The following PPP1R21 variants were observed in gnomAD, a reference collection of about 807,000 sequenced individuals.
The protein encoded by PPP1R21 is protein phosphatase 1 regulatory subunit 21.
PPP1R21 carries 85 observed loss-of-function variants against 112.8 expected under a neutral mutation model. That is an observed-to-expected ratio of 0.75 (90% CI 0.63 to 0.90). The LOEUF (loss-of-function observed/expected upper bound fraction) is 0.90. PPP1R21 is among the 40% of genes least tolerant of loss of function. The pLI is 0.00. For missense variants in PPP1R21, 1,199 were observed against 901.5 expected (o/e 1.33, Z -4.23); for synonymous variants, 381 against 322.3 (o/e 1.18, Z -1.95).
chr2:48,467,515 GA>G (rs1241818671), intron 9 of PPP1R21, among the ~76,000 whole-genome samples: 1 of 152,214 alleles, frequency 6.6e-6, no homozygotes, highest in South Asian at 2.1e-4. Flanking sequence ...GATGTCACTG[GA>G]GCTGGGGGAT....
At chr2:48,466,732 A>T (rs1032986324) in intron 9 of PPP1R21, among the ~76,000 whole-genome samples, 9 of 152,310 alleles carry the variant, frequency 5.9e-5, no homozygotes, top group African/African-American at 2.2e-4. Flanking sequence ...AGAGAATGAC[A>T]TGAACAAAAT....
In PPP1R21 at chr2:48,454,705, A is replaced by T. The variant is rs763234287; in HGVS notation, c.237A>T (p.Glu79Asp). ...LAKRVELLQD[E>D]LALSEPRGKK... Reference sequence around the variant, plus strand: ...AGAGGGTAGAACTACTTCAAGATGAACTAGCTCTAAGTGAACCACGAGGCA... The same window carrying T: ...AGAGGGTAGAACTACTTCAAGATGATCTAGCTCTAAGTGAACCACGAGGCA... The change falls in exon 3 of 22, where the codon GAA becomes GAT. Residue 79 changes from glutamate (E) to aspartate (D), a missense_variant. Coordinates refer to ENST00000294952, the MANE Select transcript of PPP1R21 (RefSeq NM_001135629.3). 4 of 1,614,174 alleles carry T rather than the reference A, an allele frequency of 2.5e-6. No homozygotes were observed. The highest frequency in any genetic ancestry group is 4.5e-5 in the East Asian group (2 of 44,886).
intron 4 of PPP1R21, among the ~76,000 whole-genome samples, chr2:48,458,679 T>C (rs1246089390): frequency 3.3e-5 from 5 of 151,890 alleles, no homozygotes; most frequent in Admixed American, 3.3e-4. Context: ...TCTGAGGGTA[T>C]GAACCATGTA....
In PPP1R21 at chr2:48,459,753, GT is replaced by G; in HGVS notation, c.381del (p.Phe127LeufsTer14). 1 of 1,607,396 alleles carries G rather than the reference GT, an allele frequency of 6.2e-7. No individual in the cohort carries two copies. The highest frequency in any genetic ancestry group is 8.5e-7 in the Non-Finnish European group (1 of 1,178,218). On this transcript the variant is annotated frameshift_variant and splice_region_variant, in exon 5 of 22. Coordinates refer to ENST00000294952, the MANE Select transcript of PPP1R21 (RefSeq NM_001135629.3). LOFTEE classifies it high-confidence loss of function. The stretch of plus-strand genomic sequence containing the variant: ...AAGAGAAAATGGTCTTCTCTTTTTA[GT>G]TTTTTGAAGCTGATGAGCAGCACAA... Reference protein sequence around the residue: ...IEENERLHIQFFEADEQHKHV... With the variant: ...IEENERLHIQXFEADEQHKHV...
rs567985113 is a variant in PPP1R21, at chr2:48,443,320, G to T, written c.57+2310G>T. ...TTCAGAGTGAAGGGCTATAGGAGAG[G>T]TTAGATACAGTTGAGGAAGTTTAGG... is the stretch of plus-strand genomic sequence containing the variant. On this transcript the variant is annotated intron_variant, in intron 1 of 21. Coordinates refer to ENST00000294952, the MANE Select transcript of PPP1R21 (RefSeq NM_001135629.3). 3.3e-5 allele frequency among the ~76,000 whole-genome samples: 5 copies of T among 152,274 alleles called. No individual in the cohort carries two copies. The South Asian group carries it at 8.3e-4, about 25-fold the overall frequency.
At chr2:48,451,843 G>C (rs1194229095) in intron 2 of PPP1R21, among the ~76,000 whole-genome samples, 1 of 152,034 alleles carries the variant, frequency 6.6e-6, no homozygotes, top group African/African-American at 2.4e-5. Context: ...TTTTGGATAA[G>C]CCCCTGATCA....
intron 18 of PPP1R21, among the ~76,000 whole-genome samples, chr2:48,506,177 C>G (rs979349476): frequency 6.6e-6 from 1 of 152,202 alleles, no homozygotes; most frequent in Non-Finnish European, 1.5e-5. Context: ...TTACTGCAAC[C>G]TCTGCCTCCG....
intron 17 of PPP1R21, among the ~76,000 whole-genome samples, chr2:48,503,733 G>A (rs1310465105): frequency 6.6e-6 from 1 of 151,950 alleles, no homozygotes. Context: ...GGATCATGAG[G>A]TCAAGAGTTC....
rs1553339311 is a variant in PPP1R21 at position 48,469,567 on chromosome 2, C to CATATATATATATAGAGAGAGAGAGAGCAT, written c.898-1507_898-1506insGAGAGAGAGAGAGCATATATATATATATA. 2.6e-3 allele frequency among the ~76,000 whole-genome samples: 229 copies of CATATATATATATAGAGAGAGAGAGAGCAT among 87,038 alleles called. 18 individuals carry two copies. The highest frequency in any genetic ancestry group is 5.4e-3 in the South Asian group (13 of 2,394). 57.1% of individuals were successfully genotyped at this position (87,038 alleles called of 152,430 possible). On this transcript the variant is annotated intron_variant, in intron 9 of 21. Coordinates refer to ENST00000294952, the MANE Select transcript of PPP1R21 (RefSeq NM_001135629.3). ...TATATATATATAGAGAGAGAGAGAG[C>CATATATATATATAGAGAGAGAGAGAGCAT]ATATATATATATATATATGCTAACC...
intron 6 of PPP1R21, among the ~76,000 whole-genome samples, chr2:48,460,766 A>G (rs1667943289): frequency 6.6e-6 from 1 of 152,200 alleles, no homozygotes; most frequent in South Asian, 2.1e-4. Context: ...ATGTACTTAA[A>G]AAAAGTCTAT....
rs1169282307 is a variant in PPP1R21, at chr2:48,440,984, C to A, written c.31C>A (p.Gln11Lys). ...CTCGGCTGAGTTGCAGGGGAAGTACCAGAAGCTGGCTCAGGAGTACTCGAA... is the reference window on the plus strand; with the variant it reads ...CTCGGCTGAGTTGCAGGGGAAGTACAAGAAGCTGGCTCAGGAGTACTCGAA... MASAELQGKY[Q>K]KLAQEYSKLR... The change falls in exon 1 of 22, where the codon CAG (glutamine) becomes AAG (lysine). Residue 11 changes from glutamine (Q) to lysine (K), a missense_variant. Transcript: ENST00000294952. 3.1e-6 allele frequency: 5 copies of A among 1,611,648 alleles called. No individual in the cohort carries two copies. Among genetic ancestry groups the A allele is most frequent in the Non-Finnish European group, 4.2e-6 (5 of 1,178,430 alleles).
At chr2:48,442,062 C>G (rs1284843997) in intron 1 of PPP1R21, among the ~76,000 whole-genome samples, 1 of 152,222 alleles carries the variant, frequency 6.6e-6, no homozygotes. Flanking sequence ...TTCAGTGATG[C>G]TACCATTAGC....
chr2:48,512,612 G>A (rs913365121), intron 21 of PPP1R21, among the ~76,000 whole-genome samples: 9 of 152,136 alleles, frequency 5.9e-5, no homozygotes, highest in East Asian at 3.8e-4. Flanking sequence ...TGGAAAATAC[G>A]TCATGTTAAT....
At chr2:48,514,351 G>A (rs1181217815) in intron 21 of PPP1R21, among the ~76,000 whole-genome samples, 1 of 152,148 alleles carries the variant, frequency 6.6e-6, no homozygotes, top group African/African-American at 2.4e-5. Context: ...CTCCCAAAGT[G>A]CTGGGGTTTA....
At chr2:48,506,868 C>T (rs1376071118) in intron 18 of PPP1R21, among the ~76,000 whole-genome samples, 1 of 150,724 alleles carries the variant, frequency 6.6e-6, no homozygotes, top group African/African-American at 2.4e-5. Flanking sequence ...ATGGCGTGAA[C>T]CTGGGAGGCG....
At chr2:48,455,893 A>G (rs1340501877) in intron 3 of PPP1R21, among the ~76,000 whole-genome samples, 1 of 151,768 alleles carries the variant, frequency 6.6e-6, no homozygotes, top group Admixed American at 6.6e-5. Flanking sequence ...AGGCGCCTAT[A>G]GTTCCAGCTG....
chr2:48,457,999 C>A, intron 3 of PPP1R21, 127 bp from the exon 4 acceptor site: 1 of 689,994 alleles, frequency 1.4e-6, no homozygotes, highest in Non-Finnish European at 2.7e-6. Flanking sequence ...ATAGCTTTTG[C>A]AGGATTGTTT....
At position 48,514,790 on chromosome 2, in the gene PPP1R21, G is replaced by C. The variant is rs901483962; in HGVS notation, c.*46G>C. On this transcript the variant is annotated 3_prime_UTR_variant, in exon 22 of 22. Coordinates refer to ENST00000294952, the MANE Select transcript of PPP1R21 (RefSeq NM_001135629.3). ...GACTGTTCTTTCCAGACCTGCTCCT[G>C]CTGCACAGAGCCGCAGGGCTGAGAC... 6.2e-7 allele frequency: 1 copy of C among 1,606,154 alleles called. No individual in the cohort carries two copies. Among genetic ancestry groups the C allele is most frequent in the Non-Finnish European group, 8.5e-7 (1 of 1,174,052 alleles).
rs1383703315 is a variant in PPP1R21 at position 48,458,121 on chromosome 2, A to G, written c.274-5A>G. The G allele has an allele frequency of 1.9e-6, 3 of 1,596,336 alleles. No homozygotes were observed. The highest frequency in any genetic ancestry group is 2.2e-5 in the South Asian group (2 of 90,554). On this transcript the variant is annotated splice_polypyrimidine_tract_variant and splice_region_variant and intron_variant, in intron 3 of 21. Coordinates refer to ENST00000294952, the MANE Select transcript of PPP1R21 (RefSeq NM_001135629.3). ...TATGTGGACATAACTTATTCTTTCC[A>G]TCAGAAAAGTGGAGAATCTTCTTCT...
Sources: allele counts gnomAD v4.1 joint callset (sites outside exome capture counted in the v4.1 genomes callset), GRCh38; gene constraint gnomAD v4.1.1; transcripts MANE v1.5; gene names NCBI Gene and HGNC (gene_info 2026-07-23, HGNC 2026-07-21).